Variants in FRMD4A observed in about 807,000 individuals in gnomAD.
The protein encoded by FRMD4A is FERM domain-containing protein 4A.
Under a neutral mutation model 129.1 loss-of-function variants are expected in FRMD4A, and 29 were observed. The observed-to-expected ratio is 0.22, with a 90% CI of 0.17 to 0.31. FRMD4A has a LOEUF of 0.31. FRMD4A is among the 10% of genes least tolerant of loss of function. The pLI, the probability that FRMD4A is intolerant of heterozygous loss-of-function variation, is 1.00. For missense variants in FRMD4A, 1,272 were observed against 1,375.8 expected, an observed-to-expected ratio of 0.92 and a Z score of 1.19; for synonymous variants, 634 against 571.6, an observed-to-expected ratio of 1.11 and a Z score of -1.56.
At chr10:13,804,523 TTTTCTTTC>T (rs35515807) in intron 4 of FRMD4A, among the ~76,000 whole-genome samples, 4 of 146,772 alleles carry the variant, frequency 2.7e-5, no homozygotes, top group African/African-American at 1.0e-4. Context: ...AGTCAGGACT[TTTTCTTTC>T]TTTCTTTCTT....
intron 12 of FRMD4A, among the ~76,000 whole-genome samples, chr10:13,721,979 G>T (rs952941735): frequency 6.6e-6 from 1 of 152,194 alleles, no homozygotes; most frequent in African/African-American, 2.4e-5. Context: ...GAGGCTGCAG[G>T]GCAGAGCTCC....
intron 2 of FRMD4A, among the ~76,000 whole-genome samples, chr10:14,145,002 GT>G (rs1444526502): frequency 2.6e-5 from 4 of 152,180 alleles, no homozygotes; most frequent in African/African-American, 9.6e-5. Flanking sequence ...ACTGTGGGTG[GT>G]TGATTAGATT....
chr10:14,269,358 C>T (rs778662777), intron 2 of FRMD4A, among the ~76,000 whole-genome samples: 15 of 152,196 alleles, frequency 9.9e-5, no homozygotes, highest in Non-Finnish European at 1.5e-4. Context: ...ACAACCCGAC[C>T]GTATTATGTT....
intron 2 of FRMD4A, among the ~76,000 whole-genome samples, chr10:13,888,382 TTTG>T (rs1266552417): frequency 1.3e-5 from 2 of 152,186 alleles, no homozygotes; most frequent in Non-Finnish European, 1.5e-5. Context: ...CCAACATCTT[TTTG>T]TTGTTGTTCC....
intron 2 of FRMD4A, among the ~76,000 whole-genome samples, chr10:14,153,285 A>C (rs369120534): frequency 4.6e-5 from 7 of 152,324 alleles, no homozygotes; most frequent in African/African-American, 1.7e-4. Flanking sequence ...ATTAAGGTTC[A>C]CACTTGCTCC....
At chr10:14,027,853 G>T (rs924299039) in intron 2 of FRMD4A, among the ~76,000 whole-genome samples, 4 of 152,222 alleles carry the variant, frequency 2.6e-5, no homozygotes, top group African/African-American at 9.6e-5. Flanking sequence ...GAGTTAGCCT[G>T]AAGAATGCAC....
chr10:13,865,449 T>TTTTATTTTATTTTA (rs1181871729), intron 2 of FRMD4A, among the ~76,000 whole-genome samples: 22 of 146,390 alleles, frequency 1.5e-4, no homozygotes, highest in African/African-American at 5.4e-4. Flanking sequence ...TTTTATTTTA[T>TTTTATTTTATTTTA]TTTATTTTAT....
intron 2 of FRMD4A, among the ~76,000 whole-genome samples, chr10:14,034,235 G>T (rs1370129432): frequency 2.0e-5 from 3 of 152,058 alleles, no homozygotes; most frequent in African/African-American, 7.2e-5. Flanking sequence ...GCATATCCTT[G>T]CCTGCTCCCT....
At chr10:14,042,146 G>C (rs1442356007) in intron 2 of FRMD4A, among the ~76,000 whole-genome samples, 1 of 152,190 alleles carries the variant, frequency 6.6e-6, no homozygotes, top group Non-Finnish European at 1.5e-5. Context: ...TAAAGAAATC[G>C]ATGTACTTTA....
intron 2 of FRMD4A, among the ~76,000 whole-genome samples, chr10:14,124,478 C>T (rs1381068492): frequency 6.6e-6 from 1 of 152,154 alleles, no homozygotes; most frequent in Non-Finnish European, 1.5e-5. Context: ...GAGTTCGAGA[C>T]CAGCCTGGCC....
intron 17 of FRMD4A, among the ~76,000 whole-genome samples, chr10:13,669,164 C>G (rs1195751636): frequency 6.7e-6 from 1 of 148,872 alleles, no homozygotes; most frequent in Non-Finnish European, 1.5e-5. Flanking sequence ...CGGGTTCAAG[C>G]GATTCTCACC....
At position 14,018,627 on chromosome 10, in the gene FRMD4A, G is replaced by A. The variant is rs574541728; in HGVS notation, c.46-159715C>T. ...AGTTTTGGGGACTTGATTGATAAAA[G>A]ATGAATGGTAGAATGAAGAACCAAG... is the stretch of plus-strand genomic sequence containing the variant. On this transcript the variant is annotated intron_variant, in intron 2 of 24. Transcript: ENST00000357447. 2.6e-5 allele frequency among the ~76,000 whole-genome samples: 4 copies of A among 152,280 alleles called. No homozygotes were observed. In the South Asian group the frequency reaches 6.2e-4, roughly 24 times the overall value.
intron 11 of FRMD4A, among the ~76,000 whole-genome samples, chr10:13,739,389 T>TA (rs1758675663): frequency 6.6e-6 from 1 of 152,208 alleles, no homozygotes; most frequent in African/African-American, 2.4e-5. Context: ...CATCACACCA[T>TA]AAAACATGGC....
In FRMD4A at chr10:13,750,109, G is replaced by GAAGA. The variant is rs137911059; in HGVS notation, c.465-2294_465-2291dup. Among the ~76,000 whole-genome samples, 282 of 73,602 alleles carry GAAGA rather than the reference G, an allele frequency of 3.8e-3. 5 individuals carry two copies. Among genetic ancestry groups the GAAGA allele is most frequent in the Middle Eastern group, 7.6e-3 (1 of 132 alleles). The allele number at this position is 73,602 out of a possible 152,430, so 48.3% of individuals were successfully genotyped here. On this transcript the variant is annotated intron_variant, in intron 8 of 24. Coordinates refer to ENST00000357447, the MANE Select transcript of FRMD4A (RefSeq NM_018027.5). ...GAAAGAAAGAAAGAAAGAAAGAAAT[G>GAAGA]AAGAAAGAAAGAAAGAAAGAAAGAA... is the stretch of plus-strand genomic sequence containing the variant.
intron 2 of FRMD4A, among the ~76,000 whole-genome samples, chr10:14,029,655 G>A (rs1196446261): frequency 6.6e-6 from 1 of 152,142 alleles, no homozygotes; most frequent in Non-Finnish European, 1.5e-5. Context: ...GAATCAGTCA[G>A]TAAGACACAT....
rs879561465 is a variant in FRMD4A, at chr10:13,988,647, G to A, written c.46-129735C>T. On this transcript the variant is annotated intron_variant, in intron 2 of 24. Transcript: ENST00000357447. ...ATGGATGAATTGGTGGATAGATACCGATGGATAGATACCGATAGATCGATA... is the reference window on the plus strand; with the variant it reads ...ATGGATGAATTGGTGGATAGATACCAATGGATAGATACCGATAGATCGATA... 2.8e-4 allele frequency among the ~76,000 whole-genome samples: 42 copies of A among 152,214 alleles called. 1 individual carries two copies. The highest frequency in any genetic ancestry group is 2.7e-3 in the Admixed American group (41 of 15,294).
chr10:14,119,478 G>T (rs968216191), intron 2 of FRMD4A, among the ~76,000 whole-genome samples: 9 of 152,192 alleles, frequency 5.9e-5, no homozygotes, highest in African/African-American at 1.4e-4. Context: ...AATGAAGCCT[G>T]GGCTGCTGAT....
At chr10:14,271,412 C>G (rs1845159568) in intron 2 of FRMD4A, among the ~76,000 whole-genome samples, 1 of 152,228 alleles carries the variant, frequency 6.6e-6, no homozygotes, top group Admixed American at 6.5e-5. Context: ...TTATAGGGCA[C>G]TCACATACAA....
intron 12 of FRMD4A, among the ~76,000 whole-genome samples, chr10:13,726,528 T>C (rs530414322): frequency 6.6e-6 from 1 of 152,312 alleles, no homozygotes; most frequent in Non-Finnish European, 1.5e-5. Context: ...GGCCTTAAGC[T>C]CCACTGCCTG....
Sources: gnomAD v4.1 joint callset for allele counts (sites outside exome capture counted in the v4.1 genomes callset) on GRCh38, gnomAD v4.1.1 for gene constraint, MANE v1.5 for transcripts, NCBI Gene and HGNC (gene_info 2026-07-23, HGNC 2026-07-21) for gene names.